The following TAF2 variants were observed in gnomAD, a reference collection of about 807,000 sequenced individuals.
TAF2 encodes the protein transcription initiation factor TFIID subunit 2.
A neutral mutation model predicts 138.5 loss-of-function variants in TAF2; 61 were observed. The observed-to-expected ratio is 0.44, with a 90% CI of 0.36 to 0.54. The LOEUF is 0.54. Among genes scored for constraint, TAF2 ranks in the 20% least tolerant of loss-of-function variants. The pLI is 0.00. For missense variants in TAF2, 1,090 were observed against 1,427.9 expected, an observed-to-expected ratio of 0.76 and a Z score of 3.81; for synonymous variants, 475 against 469.9, an observed-to-expected ratio of 1.01 and a Z score of -0.14.
At chr8:119,802,135 T>C in intron 5 of TAF2, 110 bp from the exon 6 acceptor site, 1 of 946,768 alleles carries the variant, frequency 1.1e-6, no homozygotes, top group Non-Finnish European at 1.6e-6. Flanking sequence ...ACAAAACCTT[T>C]AGCTATTTGG....
At chr8:119,740,416 A>G (rs540445685) in intron 25 of TAF2, among the ~76,000 whole-genome samples, 1 of 145,132 alleles carries the variant, frequency 6.9e-6, no homozygotes, top group African/African-American at 2.5e-5. Context: ...GCACTTTGGG[A>G]GGCTGAGGCT....
chr8:119,775,718 A>G (rs1426662055), intron 18 of TAF2, among the ~76,000 whole-genome samples: 1 of 152,140 alleles, frequency 6.6e-6, no homozygotes, highest in African/African-American at 2.4e-5. Flanking sequence ...AGAATAATAA[A>G]TAAATAAATA....
intron 20 of TAF2, among the ~76,000 whole-genome samples, chr8:119,760,029 G>GC (rs551836236): frequency 0.16 from 24,587 of 151,330 alleles, 3,464 homozygotes; most frequent in African/African-American, 0.38. Context: ...CTTCATTTAC[G>GC]CCCCCCCAGA....
intron 20 of TAF2, among the ~76,000 whole-genome samples, chr8:119,758,968 A>T (rs1345280052): frequency 6.6e-6 from 1 of 152,130 alleles, no homozygotes; most frequent in Non-Finnish European, 1.5e-5. Flanking sequence ...TCTTTTGAAA[A>T]TCCTAATATT....
At chr8:119,745,597 G>C (rs1819905984) in intron 23 of TAF2, among the ~76,000 whole-genome samples, 1 of 152,146 alleles carries the variant, frequency 6.6e-6, no homozygotes. Context: ...TGCCAGGCAA[G>C]TAATCTGGTC....
At chr8:119,797,471 T>C (rs532214838) in intron 7 of TAF2, among the ~76,000 whole-genome samples, 191 bp downstream of exon 7, 70 of 77,108 alleles carry the variant, frequency 9.1e-4, no homozygotes, top group Non-Finnish European at 1.4e-3. Flanking sequence ...GCCTTTTGAG[T>C]TATCTCAAAA....
At chr8:119,824,498 G>T (rs1423668189) in intron 2 of TAF2, among the ~76,000 whole-genome samples, 1 of 152,026 alleles carries the variant, frequency 6.6e-6, no homozygotes, top group African/African-American at 2.4e-5. Context: ...ACAGAAATTT[G>T]CATAAGTAAC....
intron 10 of TAF2, among the ~76,000 whole-genome samples, chr8:119,792,726 G>GC (rs927247875): frequency 9.2e-5 from 14 of 152,144 alleles, no homozygotes; most frequent in African/African-American, 3.4e-4. Flanking sequence ...TGGGATTAGC[G>GC]CCCTCATAGA....
At chr8:119,810,686 C>T (rs2131231911) in intron 3 of TAF2, among the ~76,000 whole-genome samples, 1 of 152,230 alleles carries the variant, frequency 6.6e-6, no homozygotes, top group African/African-American at 2.4e-5. Flanking sequence ...ACTATTTTAT[C>T]TATAGAGTAT....
intron 6 of TAF2, among the ~76,000 whole-genome samples, chr8:119,799,027 A>G (rs1457790823): frequency 6.6e-6 from 1 of 152,194 alleles, no homozygotes; most frequent in Non-Finnish European, 1.5e-5. Flanking sequence ...TGACACAGAG[A>G]AGACTAAGTC....
chr8:119,825,070 T>G (rs1280098536), intron 2 of TAF2, among the ~76,000 whole-genome samples: 4 of 152,228 alleles, frequency 2.6e-5, no homozygotes, highest in Non-Finnish European at 5.9e-5. Context: ...CTGGAAAAGC[T>G]GCAGACACTC....
chr8:119,821,582 G>A (rs1250377302), intron 2 of TAF2, among the ~76,000 whole-genome samples: 3 of 152,220 alleles, frequency 2.0e-5, no homozygotes, highest in Non-Finnish European at 4.4e-5. Context: ...GTTAAGGACA[G>A]TGTAGTGTCA....
At chr8:119,760,031 C>CA (rs1311263996) in intron 20 of TAF2, among the ~76,000 whole-genome samples, 1 of 151,870 alleles carries the variant, frequency 6.6e-6, no homozygotes, top group African/African-American at 2.4e-5. Flanking sequence ...TCATTTACGC[C>CA]CCCCCAGAGT....
intron 4 of TAF2, 33 bp from the exon 5 acceptor site, chr8:119,804,052 C>T: frequency 6.2e-7 from 1 of 1,611,670 alleles, no homozygotes; most frequent in African/African-American, 1.3e-5. Flanking sequence ...CACATTGATA[C>T]ATAAGTTACA....
chr8:119,823,923 C>T (rs1382576636), intron 2 of TAF2, among the ~76,000 whole-genome samples: 1 of 152,154 alleles, frequency 6.6e-6, no homozygotes, highest in African/African-American at 2.4e-5. Flanking sequence ...GTGACTCTTG[C>T]TATGTTTTCG....
chr8:119,799,453 C>T (rs1824082428), intron 6 of TAF2, among the ~76,000 whole-genome samples: 1 of 152,128 alleles, frequency 6.6e-6, no homozygotes, highest in East Asian at 1.9e-4. Context: ...TGGTTTCCAG[C>T]TTCATCCATG....
chr8:119,817,414 A>T (rs1036581940), intron 3 of TAF2, among the ~76,000 whole-genome samples: 6 of 152,150 alleles, frequency 3.9e-5, no homozygotes, highest in South Asian at 4.2e-4. Flanking sequence ...ACTACTTATG[A>T]GAATCTAATG....
At chr8:119,818,733 CACACACACA>C (rs571859689) in intron 3 of TAF2, among the ~76,000 whole-genome samples, 3,336 of 83,638 alleles carry the variant, frequency 0.04, 107 homozygotes, top group African/African-American at 0.095. Flanking sequence ...AAATGAAGTC[CACACACACA>C]CACACACACA....
rs541863952 is a variant in TAF2 at position 119,819,257 on chromosome 8, A to G, written c.299+89T>C. ...TTCAAAGCCCATTAACGATCCAAAA[A>G]AAAAATACTTTGAGAAAAACTAATC... On this transcript the variant is annotated intron_variant, in intron 3 of 25. Coordinates refer to ENST00000378164, the MANE Select transcript of TAF2 (RefSeq NM_003184.4). The G allele has an allele frequency of 3.5e-5, 50 of 1,413,718 alleles. 1 individual carries two copies. Among genetic ancestry groups the G allele is most frequent in the Middle Eastern group, 2.3e-4 (1 of 4,376 alleles). 87.6% of individuals were successfully genotyped at this position (1,413,718 alleles called of 1,614,324 possible). A position where few individuals can be genotyped will look rare whatever the true frequency, so the allele number is the denominator to read the frequency against.
Sources: gnomAD v4.1 joint callset for allele counts (sites outside exome capture counted in the v4.1 genomes callset) on GRCh38, gnomAD v4.1.1 for gene constraint, MANE v1.5 for transcripts, NCBI Gene and HGNC (gene_info 2026-07-23, HGNC 2026-07-21) for gene names.